ISM1: variants seen among roughly 807,000 people sequenced by gnomAD.
ISM1 encodes the protein isthmin-1.
ISM1 carries 25 observed loss-of-function variants against 46.3 expected under a neutral mutation model. The ratio of observed to expected loss-of-function variants is 0.54; its 90% CI spans 0.39 to 0.75. The LOEUF (loss-of-function observed/expected upper bound fraction) is 0.75. ISM1 is among the 30% of genes least tolerant of loss of function. The pLI, the probability that ISM1 is intolerant of heterozygous loss-of-function variation, is 0.00. For missense variants in ISM1, 536 were observed against 625.4 expected (o/e 0.86, Z 1.52); for synonymous variants, 255 against 256.7 (o/e 0.99, Z 0.06).
chr20:13,292,298 AT>A (rs1190181678), intron 4 of ISM1, 75 bp from the exon 5 acceptor site: 55 of 891,000 alleles, frequency 6.2e-5, no homozygotes, highest in Non-Finnish European at 9.3e-5. Flanking sequence ...AGGTGTATTT[AT>A]TTTTTTATTG....
chr20:13,240,235 T>C (rs765028988), intron 1 of ISM1, among the ~76,000 whole-genome samples: 2 of 152,204 alleles, frequency 1.3e-5, no homozygotes, highest in Non-Finnish European at 2.9e-5. Flanking sequence ...GCTTATGTTC[T>C]AGAAAGAAAA....
At chr20:13,312,083 G>C in the ISM1 span, among the ~76,000 whole-genome samples, 2 of 152,112 alleles carry the variant, frequency 1.3e-5, no homozygotes, top group Admixed American at 1.3e-4. Context: ...TTTTTTAAAA[G>C]AACATATATA....
At chr20:13,223,101 G>C (rs899922210) in intron 1 of ISM1, among the ~76,000 whole-genome samples, 1 of 151,400 alleles carries the variant, frequency 6.6e-6, no homozygotes, top group Non-Finnish European at 1.5e-5. Context: ...AGGTTGTAGT[G>C]AGCTGAGATC....
rs911571992 is a variant in ISM1, at chr20:13,221,552, T to TGCG, written c.-203_-201dup. ...CGGCCTCGCGGTGGCTCCGCCGTGGTGCGGCGGCGGCGGCGGCGGCGGCGC... is the reference window on the plus strand; with the variant it reads ...CGGCCTCGCGGTGGCTCCGCCGTGGTGCGGCGGCGGCGGCGGCGGCGGCGGCGC... On this transcript the variant is annotated 5_prime_UTR_variant, in exon 1 of 6. Transcript: ENST00000262487. Among the ~76,000 whole-genome samples the TGCG allele has an allele frequency of 0.027, 3,835 of 141,564 alleles. 57 individuals carry two copies. Among genetic ancestry groups the TGCG allele is most frequent in the Middle Eastern group, 0.062 (16 of 260 alleles). 92.9% of individuals were successfully genotyped at this position (141,564 alleles called of 152,430 possible).
chr20:13,231,583 G>A lies in ISM1; in HGVS notation c.138+9669G>A, dbSNP rs559330469. 2.0e-5 allele frequency among the ~76,000 whole-genome samples: 3 copies of A among 152,280 alleles called. No individual in the cohort carries two copies. In the East Asian group the frequency reaches 5.8e-4, roughly 29 times the overall value. Reference sequence around the variant, plus strand: ...ACAGACCAGCACGTGTCCCTGGAAAGTTATTTTTGTAAACCGAGTAGAAGT... The same window carrying A: ...ACAGACCAGCACGTGTCCCTGGAAAATTATTTTTGTAAACCGAGTAGAAGT... On this transcript the variant is annotated intron_variant, in intron 1 of 5. Coordinates refer to ENST00000262487, the MANE Select transcript of ISM1 (RefSeq NM_080826.2).
At chr20:13,325,228 C>T in the ISM1 span, among the ~76,000 whole-genome samples, 1 of 152,194 alleles carries the variant, frequency 6.6e-6, no homozygotes, top group South Asian at 2.1e-4. Context: ...GGTATCACAA[C>T]TGAGACTTAT....
intron 1 of ISM1, among the ~76,000 whole-genome samples, chr20:13,268,428 C>T (rs1019087352): frequency 2.2e-5 from 3 of 136,210 alleles, no homozygotes; most frequent in African/African-American, 8.2e-5. Context: ...AACAATAATA[C>T]ATTTGGCCTC....
intron 1 of ISM1, among the ~76,000 whole-genome samples, chr20:13,232,974 T>G (rs2039605453): frequency 6.6e-6 from 1 of 151,992 alleles, no homozygotes; most frequent in South Asian, 2.1e-4. Flanking sequence ...AGACATTGAT[T>G]GTAGTGACCA....
At chr20:13,247,517 G>GGTGTGTGTGTGTGTGTGT (rs35224672) in intron 1 of ISM1, among the ~76,000 whole-genome samples, 9 of 139,808 alleles carry the variant, frequency 6.4e-5, no homozygotes, top group Non-Finnish European at 9.4e-5. Context: ...CAAAGTGAGG[G>GGTGTGTGTGTGTGTGTGT]GTGTGTGTGT....
intron 1 of ISM1, among the ~76,000 whole-genome samples, chr20:13,225,644 T>C (rs752034470): frequency 6.6e-6 from 1 of 152,176 alleles, no homozygotes; most frequent in Non-Finnish European, 1.5e-5. Context: ...ATTGGGTAAC[T>C]GGCTGATGAA....
Position 13,221,816 on chromosome 20 carries a change from C to T in ISM1, c.40C>T (p.Leu14=). 2.7e-6 allele frequency: 4 copies of T among 1,457,904 alleles called. No homozygotes were observed. The highest frequency in any genetic ancestry group is 1.8e-6 in the Non-Finnish European group (2 of 1,110,604). 90.3% of individuals were successfully genotyped at this position (1,457,904 alleles called of 1,614,324 possible). Residue 14 remains leucine, a synonymous_variant, in exon 1 of 6, where the codon CTG becomes TTG. Coordinates refer to ENST00000262487, the MANE Select transcript of ISM1 (RefSeq NM_080826.2). ...GGCCGAGCTGCTGCTGCTGCTGGGG[C>T]TGCTGCTGCTCACGCTGCACATCAC... is the stretch of plus-strand genomic sequence containing the variant. The part of the protein sequence containing the change: ...LAAELLLLLG[L]LLLTLHITVL...
chr20:13,245,602 G>A (rs931792342), intron 1 of ISM1, among the ~76,000 whole-genome samples: 2 of 152,158 alleles, frequency 1.3e-5, no homozygotes, highest in African/African-American at 4.8e-5. Context: ...GCCCATTCCT[G>A]TGTGTCCCAA....
At chr20:13,296,280 C>T (rs77403806) in intron 5 of ISM1, among the ~76,000 whole-genome samples, 13,117 of 152,206 alleles carry the variant, frequency 0.086, 711 homozygotes, top group East Asian at 0.15. Flanking sequence ...AGCCCAGCTG[C>T]GCATGAATGC....
At chr20:13,296,918 T>A (rs1356825758) in intron 5 of ISM1, among the ~76,000 whole-genome samples, 2 of 152,086 alleles carry the variant, frequency 1.3e-5, no homozygotes, top group Non-Finnish European at 2.9e-5. Context: ...CTCGGGAGAC[T>A]GAGGCAGGAG....
intron 2 of ISM1, among the ~76,000 whole-genome samples, chr20:13,272,636 G>A (rs1803518485): frequency 6.6e-6 from 1 of 152,170 alleles, no homozygotes; most frequent in South Asian, 2.1e-4. Context: ...ACAAGCCCCA[G>A]TTAAAATTTC....
chr20:13,271,088 A>C (rs2040109969), intron 2 of ISM1, among the ~76,000 whole-genome samples: 1 of 152,208 alleles, frequency 6.6e-6, no homozygotes, highest in Non-Finnish European at 1.5e-5. Context: ...AACAAAACAA[A>C]ATTGATGAAA....
At chr20:13,229,843 T>C (rs1443256705) in intron 1 of ISM1, among the ~76,000 whole-genome samples, 1 of 152,174 alleles carries the variant, frequency 6.6e-6, no homozygotes, top group Non-Finnish European at 1.5e-5. Context: ...CCTCTCTCTC[T>C]TCTGTTGGCC....
At chr20:13,241,221 G>A (rs2039718392) in intron 1 of ISM1, among the ~76,000 whole-genome samples, 1 of 152,150 alleles carries the variant, frequency 6.6e-6, no homozygotes, top group African/African-American at 2.4e-5. Flanking sequence ...ACAGACTCCA[G>A]TGTCTATTGG....
chr20:13,243,064 G>A (rs979262400), intron 1 of ISM1, among the ~76,000 whole-genome samples: 1 of 152,152 alleles, frequency 6.6e-6, no homozygotes, highest in African/African-American at 2.4e-5. Context: ...TTGAACTTTG[G>A]CTGTCTGGAC....
Sources: gnomAD v4.1 joint callset for allele counts (sites outside exome capture counted in the v4.1 genomes callset) on GRCh38, gnomAD v4.1.1 for gene constraint, MANE v1.5 for transcripts, NCBI Gene and HGNC (gene_info 2026-07-23, HGNC 2026-07-21) for gene names.